The following SLC6A13 variants were observed in gnomAD, a reference collection of about 807,000 sequenced individuals.
SLC6A13 encodes solute carrier family 6 member 13.
SLC6A13 carries 69 observed loss-of-function variants against 72.9 expected under a neutral mutation model. The ratio of observed to expected loss-of-function variants is 0.95; its 90% CI spans 0.78 to 1.16. The LOEUF (loss-of-function observed/expected upper bound fraction) is 1.16. SLC6A13 is among the 50% of genes most tolerant of loss of function. The probability of loss-of-function intolerance (pLI) is 0.00; values close to 1 mark genes in which losing one functional copy is unlikely to be tolerated. For synonymous variants in SLC6A13, 303 were observed against 303.0 expected, an observed-to-expected ratio of 1.00 and a Z score of 0.00; for missense variants, 735 against 760.5, an observed-to-expected ratio of 0.97 and a Z score of 0.39.
At chr12:226,263 C>T (rs1250915284) in intron 9 of SLC6A13, 127 bp downstream of exon 9, 23 of 1,114,200 alleles carry the variant, frequency 2.1e-5, no homozygotes, top group African/African-American at 7.7e-5. Context: ...CTTCCCAGAA[C>T]GCATCCACTG....
At chr12:224,355 A>AC (rs750975347) in intron 10 of SLC6A13, 46 bp downstream of exon 10, 137 of 1,521,326 alleles carry the variant, frequency 9.0e-5, no homozygotes, top group Non-Finnish European at 9.9e-5. Flanking sequence ...CCCAGCACAC[A>AC]CCCCCCCACT....
chr12:239,132 C>T (rs534020408), intron 4 of SLC6A13, among the ~76,000 whole-genome samples: 2 of 150,426 alleles, frequency 1.3e-5, no homozygotes, highest in South Asian at 4.2e-4. Flanking sequence ...ACACCATTTC[C>T]CTCAGCCACA....
At chr12:241,912 C>T (rs1004524160) in intron 4 of SLC6A13, among the ~76,000 whole-genome samples, 5 of 152,310 alleles carry the variant, frequency 3.3e-5, no homozygotes, top group Admixed American at 6.5e-5. Context: ...TTATAAAATA[C>T]GGCATCTTTA....
At chr12:258,629 G>T (rs1234897546) in intron 2 of SLC6A13, among the ~76,000 whole-genome samples, 5 of 152,086 alleles carry the variant, frequency 3.3e-5, no homozygotes, top group Non-Finnish European at 7.4e-5. Context: ...TAACCCACTG[G>T]TCACCCAGAA....
At chr12:239,137 G>C (rs1346023146) in intron 4 of SLC6A13, among the ~76,000 whole-genome samples, 2 of 134,236 alleles carry the variant, frequency 1.5e-5, no homozygotes, top group Non-Finnish European at 3.2e-5. Flanking sequence ...ATTTCCCTCA[G>C]CCACATGCTC....
Position 221,396 on chromosome 12 carries a change from G to A in SLC6A13, c.1666C>T (p.Leu556Phe), listed in dbSNP as rs750263097. 7 of 1,606,068 alleles carry A rather than the reference G, an allele frequency of 4.4e-6. No individual in the cohort carries two copies. The highest frequency in any genetic ancestry group is 6.0e-6 in the Non-Finnish European group (7 of 1,176,324). ...CCTACCTCTCTGAAGGGGCCCTTGA[G>A]GGTTCCGAGTCTGTAGAGGCTCCAG... ...PAWSLYRLGT[L>F]KGPFRERIRQ... is the part of the protein sequence containing the mutation. Residue 556 changes from leucine (L) to phenylalanine (F), a missense_variant, in exon 14 of 15, where the codon CTC (leucine) becomes TTC (phenylalanine). Coordinates refer to ENST00000343164, the MANE Select transcript of SLC6A13 (RefSeq NM_016615.5).
At chr12:235,894 T>C (rs1941913290) in intron 6 of SLC6A13, among the ~76,000 whole-genome samples, 1 of 152,180 alleles carries the variant, frequency 6.6e-6, no homozygotes, top group South Asian at 2.1e-4. Flanking sequence ...GTCTGTCTTA[T>C]GCAGTTGAGA....
intron 2 of SLC6A13, among the ~76,000 whole-genome samples, chr12:247,023 GAAAGAAAGAA>G (rs1942379927): frequency 7.0e-5 from 1 of 14,280 alleles, no homozygotes. Context: ...AAAAAAAAAA[GAAAGAAAGAA>G]AAGAAAGAAA....
intron 6 of SLC6A13, among the ~76,000 whole-genome samples, chr12:235,432 C>T (rs1941893042): frequency 6.6e-6 from 1 of 152,132 alleles, no homozygotes; most frequent in Admixed American, 6.5e-5. Context: ...GGCAGAGGAA[C>T]ATTAATTGTG....
At chr12:232,442 C>A (rs1170074455) in intron 7 of SLC6A13, among the ~76,000 whole-genome samples, 1 of 152,222 alleles carries the variant, frequency 6.6e-6, no homozygotes, top group African/African-American at 2.4e-5. Flanking sequence ...CACCTACCAT[C>A]CATCACAACC....
At chr12:228,645 T>G (rs1941573856) in intron 7 of SLC6A13, among the ~76,000 whole-genome samples, 1 of 152,196 alleles carries the variant, frequency 6.6e-6, no homozygotes, top group South Asian at 2.1e-4. Context: ...AGTCCCTTCC[T>G]GGTCTTTGCC....
In SLC6A13 at chr12:259,963, C is replaced by G; in HGVS notation, c.90G>C (p.Leu30=). Residue 30 remains leucine (L), a synonymous_variant, in exon 2 of 15, where the codon CTG becomes CTC. Transcript: ENST00000343164. ...VMEKKEEDGT[L]ERGHWNNKME... ...TCTTGTTGTTCCAGTGCCCCCGCTC[C>G]AGGGTGCCATCTTCCTCCTTCTTTT... The G allele has an allele frequency of 6.2e-7, 1 of 1,614,232 alleles. No homozygotes were observed. The highest frequency in any genetic ancestry group is 8.5e-7 in the Non-Finnish European group (1 of 1,180,040).
intron 2 of SLC6A13, chr12:259,015 AC>A (rs1456385067): frequency 1.3e-6 from 1 of 768,826 alleles, no homozygotes; most frequent in Non-Finnish European, 1.6e-6. Flanking sequence ...CAGCAGAGCT[AC>A]TATTTATTAC....
Position 262,828 on chromosome 12 carries a change from G to T in SLC6A13, c.-45C>A, listed in dbSNP as rs1227907111. ...TGCCAGAGGTCCAGTCAGGGGAGAA[G>T]AATTATCTAAGGGGGAAGGAGAAGG... On this transcript the variant is annotated 5_prime_UTR_variant, in exon 1 of 15. Coordinates refer to ENST00000343164, the MANE Select transcript of SLC6A13 (RefSeq NM_016615.5). The T allele has an allele frequency of 1.4e-5, 4 of 280,462 alleles. No homozygotes were observed. Among genetic ancestry groups the T allele is most frequent in the Non-Finnish European group, 2.2e-5 (4 of 185,550 alleles). 17.4% of individuals were successfully genotyped at this position (280,462 alleles called of 1,614,324 possible). A position where few individuals can be genotyped will look rare whatever the true frequency, so the allele number is the denominator to read the frequency against.
intron 11 of SLC6A13, 36 bp from the exon 12 acceptor site, chr12:223,270 T>G: frequency 7.0e-7 from 1 of 1,424,686 alleles, no homozygotes. Flanking sequence ...AAGAAGTTTA[T>G]CCAGTGGAAA....
chr12:221,304 G>T, intron 14 of SLC6A13, 72 bp downstream of exon 14: 1 of 1,459,918 alleles, frequency 6.8e-7, no homozygotes, highest in Non-Finnish European at 9.2e-7. Flanking sequence ...CGCCCTGGCT[G>T]GCAGCCCACC....
chr12:246,270 A>G (rs1942347483), intron 2 of SLC6A13, among the ~76,000 whole-genome samples: 1 of 152,110 alleles, frequency 6.6e-6, no homozygotes, highest in Non-Finnish European at 1.5e-5. Flanking sequence ...GTGAACCGAG[A>G]TCGCTCCACT....
chr12:234,259 T>C (rs914757508), intron 7 of SLC6A13, among the ~76,000 whole-genome samples: 1 of 152,202 alleles, frequency 6.6e-6, no homozygotes, highest in Non-Finnish European at 1.5e-5. Context: ...ACCAGCTCCA[T>C]GACAGTTTAC....
intron 2 of SLC6A13, among the ~76,000 whole-genome samples, chr12:245,178 G>A (rs567335038): frequency 1.3e-5 from 2 of 152,322 alleles, no homozygotes; most frequent in Non-Finnish European, 2.9e-5. Context: ...ATGATTAAAA[G>A]TAATGGTGCT....
Sources: allele counts gnomAD v4.1 joint callset (sites outside exome capture counted in the v4.1 genomes callset), GRCh38; gene constraint gnomAD v4.1.1; transcripts MANE v1.5; gene names NCBI Gene and HGNC (gene_info 2026-07-23, HGNC 2026-07-21).